Variants in SRPK1 observed in about 807,000 individuals in gnomAD.
SRPK1 encodes SFRS protein kinase 1.
Under a neutral mutation model 89.5 loss-of-function variants are expected in SRPK1, and 52 were observed. That is an observed-to-expected ratio of 0.58 (90% confidence interval 0.46 to 0.73). The LOEUF (loss-of-function observed/expected upper bound fraction) is 0.73, where lower values mean the gene tolerates loss of function less well. Ranked by LOEUF, SRPK1 falls within the 30% of genes least tolerant of loss-of-function variation. SRPK1 has a pLI of 0.00. For synonymous variants in SRPK1, 255 were observed against 270.2 expected, an observed-to-expected ratio of 0.94 and a Z score of 0.55; for missense variants, 603 against 780.6, an observed-to-expected ratio of 0.77 and a Z score of 2.71.
At chr6:35,860,575 C>T (rs183895432) in intron 12 of SRPK1, among the ~76,000 whole-genome samples, 1 of 152,272 alleles carries the variant, frequency 6.6e-6, no homozygotes, top group Admixed American at 6.5e-5. Flanking sequence ...CGTTTCTCCA[C>T]AATTTACTTG....
chr6:35,879,153 T>G (rs759339812), intron 6 of SRPK1, among the ~76,000 whole-genome samples: 1 of 152,178 alleles, frequency 6.6e-6, no homozygotes, highest in Non-Finnish European at 1.5e-5. Flanking sequence ...AGAAAGTGAC[T>G]GCGCATGCCC....
At chr6:35,881,753 A>G (rs1330648018) in intron 6 of SRPK1, among the ~76,000 whole-genome samples, 1 of 152,138 alleles carries the variant, frequency 6.6e-6, no homozygotes, top group Non-Finnish European at 1.5e-5. Context: ...ACCAAACTAT[A>G]TAAAACAAAA....
intron 2 of SRPK1, among the ~76,000 whole-genome samples, chr6:35,894,688 G>C (rs1770593846): frequency 6.6e-6 from 1 of 151,932 alleles, no homozygotes; most frequent in Non-Finnish European, 1.5e-5. Flanking sequence ...TATCTCATCA[G>C]AAAGCCAATA....
intron 13 of SRPK1, among the ~76,000 whole-genome samples, chr6:35,844,314 T>A (rs899062353): frequency 2.0e-5 from 3 of 152,172 alleles, no homozygotes; most frequent in African/African-American, 7.2e-5. Context: ...ACAGCAGTTT[T>A]AAAAAATGAC....
chr6:35,863,764 T>A (rs1582002754), intron 12 of SRPK1, among the ~76,000 whole-genome samples: 1 of 152,022 alleles, frequency 6.6e-6, no homozygotes, highest in Non-Finnish European at 1.5e-5. Flanking sequence ...CTTTCTTCAA[T>A]CAGAAAGAAA....
At chr6:35,905,807 G>GA (rs1350638982) in intron 2 of SRPK1, among the ~76,000 whole-genome samples, 5 of 152,126 alleles carry the variant, frequency 3.3e-5, no homozygotes, top group Non-Finnish European at 5.9e-5. Flanking sequence ...AAAGAAGAGT[G>GA]AAATATAAAA....
chr6:35,865,156 T>TATATATTTAAAA (rs1468677759), intron 12 of SRPK1, among the ~76,000 whole-genome samples: 1 of 152,030 alleles, frequency 6.6e-6, no homozygotes, highest in Non-Finnish European at 1.5e-5. Context: ...GAATAATAAT[T>TATATATTTAAAA]ATATATTTAA....
intron 5 of SRPK1, among the ~76,000 whole-genome samples, chr6:35,887,648 A>G (rs886370567): frequency 3.3e-5 from 5 of 152,198 alleles, no homozygotes; most frequent in African/African-American, 1.2e-4. Context: ...ATTCTATAAC[A>G]TATTTGAAAA....
intron 2 of SRPK1, 188 bp downstream of exon 2, chr6:35,920,280 G>A (rs771578403): frequency 2.9e-6 from 2 of 679,500 alleles, no homozygotes; most frequent in Admixed American, 2.2e-5. Flanking sequence ...TAAGACCCAG[G>A]CCTGGCGTTG....
chr6:35,880,447 G>C (rs970088298), intron 6 of SRPK1, among the ~76,000 whole-genome samples: 3 of 151,934 alleles, frequency 2.0e-5, no homozygotes, highest in African/African-American at 7.3e-5. Flanking sequence ...AGGAGGCTGG[G>C]CACGGTGGCT....
At chr6:35,867,281 G>C (rs1369002880) in intron 12 of SRPK1, among the ~76,000 whole-genome samples, 1 of 152,190 alleles carries the variant, frequency 6.6e-6, no homozygotes, top group East Asian at 1.9e-4. Context: ...AGGGTGACCT[G>C]GACCAGATGA....
At chr6:35,873,672 T>C (rs1770088301) in intron 7 of SRPK1, among the ~76,000 whole-genome samples, 2 of 151,898 alleles carry the variant, frequency 1.3e-5, no homozygotes, top group African/African-American at 4.8e-5. Flanking sequence ...GTATTTTTAG[T>C]AGAGACGGGG....
In SRPK1 at chr6:35,869,875, G is replaced by C; in HGVS notation, c.1018C>G (p.Gln340Glu). The stretch of plus-strand genomic sequence containing the variant: ...TCTGTATCACGTTCCATAAGCGTTT[G>C]ATCCTGGCCAATGGTACTTGACTCT... ...LEESSTIGQD[Q>E]TLMERDTEGG... is the part of the protein sequence containing the mutation. The change falls in exon 11 of 16, where the codon CAA (glutamine) becomes GAA (glutamate). Residue 340 changes from glutamine (Q) to glutamate (E), a missense_variant. Physicochemically the swap from Gln to Glu is conservative, Grantham distance 29. Transcript: ENST00000373825. 6.3e-7 allele frequency: 1 copy of C among 1,583,782 alleles called. No homozygotes were observed. Among genetic ancestry groups the C allele is most frequent in the Non-Finnish European group, 8.6e-7 (1 of 1,166,152 alleles).
At chr6:35,860,636 T>G (rs1305672045) in intron 12 of SRPK1, among the ~76,000 whole-genome samples, 5 of 152,200 alleles carry the variant, frequency 3.3e-5, no homozygotes, top group Non-Finnish European at 5.9e-5. Context: ...TTCTAAGTAC[T>G]AAATATAGAT....
At chr6:35,857,485 C>T (rs1769689421) in intron 12 of SRPK1, 117 bp from the exon 13 acceptor site, 1 of 789,404 alleles carries the variant, frequency 1.3e-6, no homozygotes, top group Non-Finnish European at 2.1e-6. Flanking sequence ...CCAAAGTTCT[C>T]ACTTTGCTTA....
At chr6:35,901,336 G>A (rs571191572) in intron 2 of SRPK1, among the ~76,000 whole-genome samples, 2 of 152,166 alleles carry the variant, frequency 1.3e-5, no homozygotes, top group South Asian at 4.1e-4. Flanking sequence ...TTTAAAAAGA[G>A]AAAATCTGGA....
intron 6 of SRPK1, among the ~76,000 whole-genome samples, chr6:35,874,616 C>T (rs1330720905): frequency 1.3e-5 from 2 of 152,090 alleles, no homozygotes; most frequent in Admixed American, 6.5e-5. Flanking sequence ...AAAAGTGAAA[C>T]CTACATATGC....
chr6:35,873,678 C>T (rs1158853039), intron 7 of SRPK1, among the ~76,000 whole-genome samples: 5 of 151,008 alleles, frequency 3.3e-5, no homozygotes, highest in African/African-American at 7.3e-5. Flanking sequence ...TTAGTAGAGA[C>T]GGGGTTTCGC....
intron 13 of SRPK1, among the ~76,000 whole-genome samples, chr6:35,844,712 C>T (rs1769390442): frequency 6.6e-6 from 1 of 152,066 alleles, no homozygotes; most frequent in Admixed American, 6.6e-5. Context: ...ACTTGTTCTA[C>T]CCTGAGTTGT....
Sources: gnomAD v4.1 joint callset for allele counts (sites outside exome capture counted in the v4.1 genomes callset) on GRCh38, gnomAD v4.1.1 for gene constraint, MANE v1.5 for transcripts, NCBI Gene and HGNC (gene_info 2026-07-23, HGNC 2026-07-21) for gene names.